Variants in EPB41L4A observed in about 807,000 individuals in gnomAD.
EPB41L4A encodes erythrocyte membrane protein band 4.1 like 4A.
Under a neutral mutation model 108.6 loss-of-function variants are expected in EPB41L4A, and 100 were observed. The observed-to-expected ratio is 0.92, with a 90% CI of 0.78 to 1.09. EPB41L4A has a LOEUF of 1.09. Among genes scored for constraint, EPB41L4A ranks in the 50% least tolerant of loss-of-function variants. EPB41L4A has a pLI of 0.00. For synonymous variants in EPB41L4A, 319 were observed against 289.0 expected (o/e 1.10, Z -1.05); for missense variants, 1,030 against 842.7 (o/e 1.22, Z -2.75).
rs1317205804 is a variant in EPB41L4A at position 112,170,952 on chromosome 5, G to A, written c.1663C>T (p.His555Tyr). The change falls in exon 19 of 23, where the codon CAC becomes TAC. Residue 555 changes from histidine to tyrosine, a missense_variant. By Grantham distance (83) the His-to-Tyr change is moderately conservative. Coordinates refer to ENST00000261486, the MANE Select transcript of EPB41L4A (RefSeq NM_022140.5). ...DIQAKEELWK[H>Y]IQKELVDPSG... is the part of the protein sequence containing the mutation. ...AAGAAAACTATTACTCACTGAATGT[G>A]CTTCCATAACTCTTCTTTTGCTTGG... 3.1e-6 allele frequency: 5 copies of A among 1,613,278 alleles called. No homozygotes were observed. Among genetic ancestry groups the A allele is most frequent in the Admixed American group, 3.3e-5 (2 of 60,010 alleles).
intron 1 of EPB41L4A, among the ~76,000 whole-genome samples, chr5:112,348,355 C>A (rs931388088): frequency 6.6e-5 from 10 of 152,176 alleles, no homozygotes; most frequent in African/African-American, 2.4e-4. Flanking sequence ...CTTTTTATTT[C>A]TTTGTATCTC....
intron 2 of EPB41L4A, among the ~76,000 whole-genome samples, chr5:112,299,518 G>C (rs4958034): frequency 5.3e-5 from 8 of 152,242 alleles, no homozygotes; most frequent in Admixed American, 5.2e-4. Context: ...TTGTTGGGTA[G>C]AATGTTCTGT....
At chr5:112,358,707 T>A (rs1758521950) in intron 1 of EPB41L4A, among the ~76,000 whole-genome samples, 1 of 152,220 alleles carries the variant, frequency 6.6e-6, no homozygotes, top group Admixed American at 6.5e-5. Flanking sequence ...CTTCTAGGTA[T>A]ACACACAAAA....
At chr5:112,401,139 C>G (rs901756643) in intron 1 of EPB41L4A, among the ~76,000 whole-genome samples, 2 of 152,178 alleles carry the variant, frequency 1.3e-5, no homozygotes, top group Non-Finnish European at 2.9e-5. Flanking sequence ...CCCTATCTGT[C>G]CCCTATCTAT....
downstream of EPB41L4A, chr5:112,161,279 G>A (rs1388618599): frequency 8.9e-6 from 3 of 336,620 alleles, no homozygotes; most frequent in Non-Finnish European, 1.8e-5. Context: ...CGTCGGGAGT[G>A]ATCACCTACC....
intron 17 of EPB41L4A, among the ~76,000 whole-genome samples, chr5:112,184,842 T>C (rs929324651): frequency 3.9e-5 from 6 of 152,140 alleles, no homozygotes; most frequent in African/African-American, 1.4e-4. Flanking sequence ...ATCCTCTCAT[T>C]TTTTTAAAAA....
chr5:112,291,968 A>C (rs1033540004), intron 2 of EPB41L4A, among the ~76,000 whole-genome samples: 2 of 152,222 alleles, frequency 1.3e-5, no homozygotes, highest in Non-Finnish European at 2.9e-5. Flanking sequence ...CTCGGCCAGG[A>C]GCAGTGGCTC....
chr5:112,237,518 C>T (rs1249212172), intron 11 of EPB41L4A, among the ~76,000 whole-genome samples: 1 of 152,162 alleles, frequency 6.6e-6, no homozygotes, highest in African/African-American at 2.4e-5. Context: ...CAATTACACA[C>T]ACAAACACAC....
At chr5:112,332,655 T>G (rs958277047) in intron 1 of EPB41L4A, among the ~76,000 whole-genome samples, 5 of 152,156 alleles carry the variant, frequency 3.3e-5, no homozygotes, top group Admixed American at 2.6e-4. Flanking sequence ...AGCCTTATAT[T>G]TGACTGACAC....
intron 1 of EPB41L4A, among the ~76,000 whole-genome samples, chr5:112,341,358 C>G (rs538339950): frequency 7.2e-5 from 11 of 152,300 alleles, no homozygotes; most frequent in Middle Eastern, 3.4e-3. Context: ...ACCAGTTCTT[C>G]AATGAATAAT....
intron 1 of EPB41L4A, among the ~76,000 whole-genome samples, chr5:112,334,039 GC>G (rs1756763075): frequency 6.6e-6 from 1 of 152,170 alleles, no homozygotes. Flanking sequence ...GGAACGGGTT[GC>G]GGGGTGAGGG....
Position 112,313,941 on chromosome 5 carries a change from G to A in EPB41L4A, c.100-6451C>T, listed in dbSNP as rs150880396. Among the ~76,000 whole-genome samples the A allele has an allele frequency of 5.4e-3, 733 of 135,458 alleles. 7 individuals carry two copies. Among genetic ancestry groups the A allele is most frequent in the African/African-American group, 0.02 (696 of 35,072 alleles). 88.9% of individuals were successfully genotyped at this position (135,458 alleles called of 152,430 possible). On this transcript the variant is annotated intron_variant, in intron 1 of 22. Coordinates refer to ENST00000261486, the MANE Select transcript of EPB41L4A (RefSeq NM_022140.5). Reference sequence around the variant, plus strand: ...TGCAGTGGCGCAATCTCCGCTCACTGCAAGCTCCGCCTCCCGGGTTCACGC... The same window carrying A: ...TGCAGTGGCGCAATCTCCGCTCACTACAAGCTCCGCCTCCCGGGTTCACGC...
intron 1 of EPB41L4A, among the ~76,000 whole-genome samples, chr5:112,331,688 G>A (rs1159163063): frequency 2.6e-5 from 4 of 152,224 alleles, no homozygotes; most frequent in Non-Finnish European, 4.4e-5. Context: ...CCCTGACACT[G>A]TATAAGCAGG....
At chr5:112,374,309 G>A (rs556389144) in intron 1 of EPB41L4A, among the ~76,000 whole-genome samples, 4 of 152,268 alleles carry the variant, frequency 2.6e-5, no homozygotes, top group African/African-American at 7.2e-5. Flanking sequence ...AATCTTCTAA[G>A]AATGAACAGA....
intron 17 of EPB41L4A, among the ~76,000 whole-genome samples, chr5:112,190,999 T>C (rs760680019): frequency 2.0e-5 from 3 of 152,016 alleles, no homozygotes; most frequent in African/African-American, 7.3e-5. Context: ...GAGGATGTAG[T>C]AGAGAAACTA....
chr5:112,340,839 C>T (rs1370827565), intron 1 of EPB41L4A, among the ~76,000 whole-genome samples: 1 of 152,178 alleles, frequency 6.6e-6, no homozygotes, highest in Non-Finnish European at 1.5e-5. Context: ...AACATTCACT[C>T]AGCCCTATTG....
chr5:112,194,109 A>G (rs957718777), intron 17 of EPB41L4A, among the ~76,000 whole-genome samples: 2 of 151,926 alleles, frequency 1.3e-5, no homozygotes, highest in African/African-American at 2.4e-5. Flanking sequence ...TCAGGCACAC[A>G]CAGATGAGTA....
chr5:112,180,418 A>G (rs1761088493), intron 18 of EPB41L4A, among the ~76,000 whole-genome samples: 3 of 152,184 alleles, frequency 2.0e-5, no homozygotes. Flanking sequence ...CCCACATGTG[A>G]GCAGTCAATT....
intron 1 of EPB41L4A, among the ~76,000 whole-genome samples, chr5:112,321,755 C>A (rs1445239094): frequency 6.6e-6 from 1 of 152,042 alleles, no homozygotes; most frequent in Non-Finnish European, 1.5e-5. Flanking sequence ...ATAGTAGATG[C>A]CAAAATTTGC....
Sources: gnomAD v4.1 joint callset for allele counts (sites outside exome capture counted in the v4.1 genomes callset) on GRCh38, gnomAD v4.1.1 for gene constraint, MANE v1.5 for transcripts, NCBI Gene and HGNC (gene_info 2026-07-23, HGNC 2026-07-21) for gene names.